Variants in RP1L1 observed in about 807,000 individuals in gnomAD.
RP1L1 encodes the protein retinitis pigmentosa 1-like 1 protein.
RP1L1 carries 27 observed loss-of-function variants against 15.7 expected under a neutral mutation model. The observed-to-expected ratio is 1.72, with a 90% CI of 1.27 to 2.38. The LOEUF (loss-of-function observed/expected upper bound fraction) is 2.38. RP1L1 is among the 30% of genes most tolerant of loss of function. The pLI, the probability that RP1L1 is intolerant of heterozygous loss-of-function variation, is 0.00. For missense variants in RP1L1, 4,798 were observed against 3,075.9 expected, an observed-to-expected ratio of 1.56 and a Z score of -13.24; for synonymous variants, 1,813 against 1,276.7, an observed-to-expected ratio of 1.42 and a Z score of -8.96.
chr8:10,622,951 G>A lies in RP1L1; in HGVS notation c.251C>T (p.Pro84Leu), dbSNP rs1190690551. The A allele has an allele frequency of 5.6e-6, 9 of 1,613,986 alleles. No homozygotes were observed. Among genetic ancestry groups the A allele is most frequent in the Non-Finnish European group, 6.8e-6 (8 of 1,180,014 alleles). ...LSFGVRSVTT[P>L]RGLHSLSALE... ...GGCGCTGAGGCTATGCAGGCCCCGG[G>A]GTGTGGTGACAGAGCGCACCCCAAA... Residue 84 changes from proline (P) to leucine (L), a missense_variant, in exon 2 of 4, where the codon CCC becomes CTC. By Grantham distance (98) the Pro-to-Leu change is moderately conservative. Transcript: ENST00000382483.
At position 10,612,923 on chromosome 8, in the gene RP1L1, C is replaced by G; in HGVS notation, c.1175G>C (p.Arg392Thr). Residue 392 changes from arginine (R) to threonine (T), a missense_variant, in exon 4 of 4, where the codon AGG (arginine) becomes ACG (threonine). Coordinates refer to ENST00000382483, the MANE Select transcript of RP1L1 (RefSeq NM_178857.6). ...WGPRPCRVGC[R>T]EVFGRGGQPG... is the part of the protein sequence containing the mutation. ...CTGCCCGCCTCGGCCAAAGACTTCC[C>G]TGCATCCCACCCTGCAGGGCCGGGG... is the stretch of plus-strand genomic sequence containing the variant. 1 of 1,613,128 alleles carries G rather than the reference C, an allele frequency of 6.2e-7. No homozygotes were observed. The highest frequency in any genetic ancestry group is 2.2e-5 in the East Asian group (1 of 44,872).
Position 10,607,155 on chromosome 8 carries a change from C to A in RP1L1, c.6943G>T (p.Glu2315Ter), listed in dbSNP as rs1181027162. Reference sequence around the variant, plus strand: ...GTGTCTCCAAGTACATGGTCATTTTCTGAGTCTTTCTGCCAGCAGTTGCCC... The same window carrying A: ...GTGTCTCCAAGTACATGGTCATTTTATGAGTCTTTCTGCCAGCAGTTGCCC... Reference protein sequence around the residue: ...SWGNCWQKDSENDHVLGDTRS... With the variant: ...SWGNCWQKDS Residue 2315 changes from glutamate to a stop codon, truncating the protein, a stop_gained, in exon 4 of 4, where the codon GAA (glutamate) becomes TAA (stop). Coordinates refer to ENST00000382483, the MANE Select transcript of RP1L1 (RefSeq NM_178857.6). LOFTEE classifies it low-confidence loss of function (END_TRUNC). 6.2e-7 allele frequency: 1 copy of A among 1,614,264 alleles called. No homozygotes were observed.
At position 10,613,283 on chromosome 8, in the gene RP1L1, G is replaced by A. The variant is rs750500437; in HGVS notation, c.815C>T (p.Pro272Leu). 5.0e-6 allele frequency: 8 copies of A among 1,607,016 alleles called. No individual in the cohort carries two copies. The Admixed American group carries it at 5.0e-5, about 10-fold the overall frequency. Residue 272 changes from proline to leucine, a missense_variant, in exon 4 of 4, where the codon CCA (proline) becomes CTA (leucine). Coordinates refer to ENST00000382483, the MANE Select transcript of RP1L1 (RefSeq NM_178857.6). Reference protein sequence around the residue: ...IHSRSPPGSTPRLPERPGPSN... With the variant: ...IHSRSPPGSTLRLPERPGPSN... ...AGGACCAGGCCTTTCTGGCAGCCGT[G>A]GCGTGCTGCCTGGCGGAGACCGCGA...
chr8:10,610,928 T>A lies in RP1L1; in HGVS notation c.3170A>T (p.Glu1057Val), dbSNP rs748026629. Residue 1057 changes from glutamate to valine, a missense_variant, in exon 4 of 4, where the codon GAG becomes GTG. Transcript: ENST00000382483. Reference sequence around the variant, plus strand: ...TGGGGCCTCTCTGTCTGCTCCGGCCTCTGCAGGGGCCTCGGAAACTCCCTC... The same window carrying A: ...TGGGGCCTCTCTGTCTGCTCCGGCCACTGCAGGGGCCTCGGAAACTCCCTC... ...APEGVSEAPA[E>V]AGADREAPAG... 5.0e-6 allele frequency: 8 copies of A among 1,611,160 alleles called. No individual in the cohort carries two copies. The Admixed American group carries it at 1.3e-4, about 27-fold the overall frequency.
intron 1 of RP1L1, among the ~76,000 whole-genome samples, chr8:10,642,973 T>C (rs1208261953): frequency 1.3e-5 from 2 of 152,210 alleles, no homozygotes; most frequent in African/African-American, 4.8e-5. Flanking sequence ...GAAGAATAGC[T>C]GTGGATGTTT....
intron 1 of RP1L1, among the ~76,000 whole-genome samples, chr8:10,645,807 G>A (rs1284223080): frequency 2.0e-5 from 3 of 152,312 alleles, no homozygotes; most frequent in Admixed American, 6.5e-5. Flanking sequence ...AGAAGGACAC[G>A]CTCACCTATT....
intron 1 of RP1L1, among the ~76,000 whole-genome samples, chr8:10,653,997 G>C (rs1798602238): frequency 6.6e-6 from 1 of 152,154 alleles, no homozygotes; most frequent in African/African-American, 2.4e-5. Flanking sequence ...GGGAGCCTGG[G>C]GCAGGGGGAT....
Position 10,608,525 on chromosome 8 carries a change from C to T in RP1L1, c.5573G>A (p.Gly1858Glu), listed in dbSNP as rs1482171689. Residue 1858 changes from glycine (G) to glutamate (E), a missense_variant, in exon 4 of 4, where the codon GGG (glycine) becomes GAG (glutamate). By Grantham distance (98) the Gly-to-Glu change is moderately conservative (BLOSUM62 -2). Coordinates refer to ENST00000382483, the MANE Select transcript of RP1L1 (RefSeq NM_178857.6). ...SEGVEAPEAE[G>E]DAQEAEGEAQ... ...CTCCCCTTCAGCCTCCTGGGCATCCCCTTCTGCCTCTGGGGCCTCTACACC... is the reference window on the plus strand; with the variant it reads ...CTCCCCTTCAGCCTCCTGGGCATCCTCTTCTGCCTCTGGGGCCTCTACACC... 1.3e-6 allele frequency: 2 copies of T among 1,572,578 alleles called. No homozygotes were observed. The highest frequency in any genetic ancestry group is 2.2e-5 in the East Asian group (1 of 44,486).
chr8:10,643,214 C>G (rs1215464626), intron 1 of RP1L1, among the ~76,000 whole-genome samples: 4 of 152,116 alleles, frequency 2.6e-5, no homozygotes, highest in African/African-American at 9.7e-5. Flanking sequence ...GTGGCATGTA[C>G]CTGTAGTCCC....
intron 1 of RP1L1, among the ~76,000 whole-genome samples, chr8:10,643,979 G>A (rs1295082924): frequency 6.6e-6 from 1 of 151,938 alleles, no homozygotes; most frequent in African/African-American, 2.4e-5. Context: ...AAGTTGGGAG[G>A]TGCTCAAGGG....
Position 10,612,278 on chromosome 8 carries a change from G to A in RP1L1, c.1820C>T (p.Thr607Ile). ...AAGGCCCAGAACCAGAGGCTCCCTT[G>A]TCACAGCCGCTCCCGTGGCCTGCTC... The part of the protein sequence containing the change: ...GTEQATGAAV[T>I]REPLVLGLSC... Residue 607 changes from threonine to isoleucine, a missense_variant, in exon 4 of 4, where the codon ACA becomes ATA. Coordinates refer to ENST00000382483, the MANE Select transcript of RP1L1 (RefSeq NM_178857.6). The A allele has an allele frequency of 6.2e-7, 1 of 1,613,222 alleles. No individual in the cohort carries two copies. The highest frequency in any genetic ancestry group is 8.5e-7 in the Non-Finnish European group (1 of 1,180,026).
rs752352945 is a variant in RP1L1 at position 10,612,675 on chromosome 8, T to G, written c.1423A>C (p.Thr475Pro). ...SEPESSCCPR[T>P]PEDGVDSASP... The stretch of plus-strand genomic sequence containing the variant: ...GCACTGTCCACCCCGTCCTCCGGGG[T>G]CCTGGGGCAGCAGGAGGACTCTGGC... Residue 475 changes from threonine (T) to proline (P), a missense_variant, in exon 4 of 4, where the codon ACC (threonine) becomes CCC (proline). Physicochemically the swap from Thr to Pro is conservative, Grantham distance 38. Transcript: ENST00000382483. 3 of 1,601,056 alleles carry G rather than the reference T, an allele frequency of 1.9e-6. No individual in the cohort carries two copies. The highest frequency in any genetic ancestry group is 2.5e-6 in the Non-Finnish European group (3 of 1,177,600).
chr8:10,611,884 G>C lies in RP1L1; in HGVS notation c.2214C>G (p.Ala738=). 6.2e-7 allele frequency: 1 copy of C among 1,613,844 alleles called. No individual in the cohort carries two copies. The highest frequency in any genetic ancestry group is 8.5e-7 in the Non-Finnish European group (1 of 1,180,028). ...PSQDLLGTSS[A]TVTPAVHSDF... is the part of the protein sequence containing the mutation. ...CCGAGTGGACTGCAGGGGTGACAGT[G>C]GCACTGCTGGTTCCCAGAAGGTCCT... Residue 738 remains alanine, a synonymous_variant, in exon 4 of 4, where the codon GCC becomes GCG. Coordinates refer to ENST00000382483, the MANE Select transcript of RP1L1 (RefSeq NM_178857.6).
chr8:10,648,204 A>G (rs1397131220), intron 1 of RP1L1, among the ~76,000 whole-genome samples: 1 of 151,532 alleles, frequency 6.6e-6, no homozygotes, highest in Non-Finnish European at 1.5e-5. Context: ...GCTATTTTTT[A>G]TATTTTTAGT....
chr8:10,631,314 C>T (rs13250053), intron 1 of RP1L1, among the ~76,000 whole-genome samples: 116,891 of 140,556 alleles, frequency 0.83, 48,433 homozygotes, highest in East Asian at 0.92. Flanking sequence ...TGCACACACA[C>T]GCACACACGC....
intron 1 of RP1L1, among the ~76,000 whole-genome samples, chr8:10,636,528 G>C (rs1349951341): frequency 6.6e-6 from 1 of 152,074 alleles, no homozygotes; most frequent in East Asian, 1.9e-4. Context: ...CTTCCCCCTC[G>C]AATGGCAACC....
chr8:10,653,919 C>G (rs554282366), intron 1 of RP1L1, among the ~76,000 whole-genome samples: 2 of 152,306 alleles, frequency 1.3e-5, no homozygotes, highest in African/African-American at 2.4e-5. Flanking sequence ...CTCCCGCGAC[C>G]TCCTCCAAGC....
At chr8:10,631,431 G>A (rs190028705) in intron 1 of RP1L1, among the ~76,000 whole-genome samples, 11 of 146,874 alleles carry the variant, frequency 7.5e-5, no homozygotes, top group East Asian at 2.0e-4. Flanking sequence ...ACACATGCGC[G>A]CACACACACG....
intron 2 of RP1L1, chr8:10,621,791 C>A (rs767983007): frequency 2.0e-6 from 1 of 499,500 alleles, no homozygotes. Flanking sequence ...GCAAAAATTA[C>A]ATTCACGCAT....
Sources: gnomAD v4.1 joint callset for allele counts (sites outside exome capture counted in the v4.1 genomes callset) on GRCh38, gnomAD v4.1.1 for gene constraint, MANE v1.5 for transcripts, NCBI Gene and HGNC (gene_info 2026-07-23, HGNC 2026-07-21) for gene names.